The following WBP11 variants were observed in gnomAD, a reference collection of about 807,000 sequenced individuals.
The protein encoded by WBP11 is WW domain binding protein 11.
A neutral mutation model predicts 66.7 loss-of-function variants in WBP11; 12 were observed. That is an observed-to-expected ratio of 0.18 (90% confidence interval 0.12 to 0.29). The LOEUF (loss-of-function observed/expected upper bound fraction) is 0.29, where lower values mean the gene tolerates loss of function less well. WBP11 is among the 10% of genes least tolerant of loss of function. WBP11 has a pLI of 1.00. For synonymous variants in WBP11, 255 were observed against 273.8 expected, an observed-to-expected ratio of 0.93 and a Z score of 0.68; for missense variants, 555 against 818.3, an observed-to-expected ratio of 0.68 and a Z score of 3.93.
chr12:14,795,498 G>A (rs1208501957), intron 5 of WBP11, among the ~76,000 whole-genome samples: 1 of 152,190 alleles, frequency 6.6e-6, no homozygotes, highest in East Asian at 1.9e-4. Flanking sequence ...TTGGGAGGCT[G>A]ACGCAGGTCG....
rs765392388 is a variant in WBP11, at chr12:14,784,781, C to T, written c.*2284G>A. ...ATAAGGAAATAGTAACAAGTCTATC[C>T]ATATACATGATTAAAGATTTCTATC... On this transcript the variant is annotated 3_prime_UTR_variant, in exon 12 of 12. Coordinates refer to ENST00000261167, the MANE Select transcript of WBP11 (RefSeq NM_016312.3). 6.6e-6 allele frequency: 1 copy of T among 152,092 alleles called. No individual in the cohort carries two copies. Among genetic ancestry groups the T allele is most frequent in the African/African-American group, 2.4e-5 (1 of 41,404 alleles). The allele number at this position is 152,092 out of a possible 1,614,324, so 9.4% of individuals were successfully genotyped here.
Position 14,785,556 on chromosome 12 carries a change from G to T in WBP11, c.*1509C>A. On this transcript the variant is annotated 3_prime_UTR_variant, in exon 12 of 12. Coordinates refer to ENST00000261167, the MANE Select transcript of WBP11 (RefSeq NM_016312.3). ...CCCAAAACGGTCTATTTAGTGCTTT[G>T]GCAGGATTTGCTTTAATATGAAAGA... 6.6e-6 allele frequency: 1 copy of T among 152,054 alleles called. No homozygotes were observed. The highest frequency in any genetic ancestry group is 1.5e-5 in the Non-Finnish European group (1 of 68,014). The allele number at this position is 152,054 out of a possible 1,614,324, so 9.4% of individuals were successfully genotyped here.
Position 14,796,450 on chromosome 12 carries a change from C to G in WBP11, c.387+357G>C, listed in dbSNP as rs1949895220. On this transcript the variant is annotated intron_variant, in intron 5 of 11. Transcript: ENST00000261167. This position sits in a 1 kb window ranked among gnomAD's most constrained non-coding sequence, Gnocchi z 4.5. ...TTAACTTTTTAAATCTAAGTATAGG[C>G]TGAGCATCCCTAATCTGAATATCTA... Among the ~76,000 whole-genome samples the G allele has an allele frequency of 6.6e-6, 1 of 152,120 alleles. No homozygotes were observed. Among genetic ancestry groups the G allele is most frequent in the African/African-American group, 2.4e-5 (1 of 41,422 alleles).
rs1397742919 is a variant in WBP11, at chr12:14,786,107, A to C, written c.*958T>G. The stretch of plus-strand genomic sequence containing the variant: ...ACCAATTCAGAAAGGAAAAAAAGCT[A>C]ACCTCTTCTGATTCTTTTATAGCTT... On this transcript the variant is annotated 3_prime_UTR_variant, in exon 12 of 12. Transcript: ENST00000261167. 6.6e-6 allele frequency: 1 copy of C among 152,234 alleles called. No homozygotes were observed. The highest frequency in any genetic ancestry group is 1.5e-5 in the Non-Finnish European group (1 of 68,028). 9.4% of individuals were successfully genotyped at this position (152,234 alleles called of 1,614,324 possible). A position where few individuals can be genotyped will look rare whatever the true frequency, so the allele number is the denominator to read the frequency against.
chr12:14,791,507 T>C (rs1054020017), intron 8 of WBP11, among the ~76,000 whole-genome samples: 2 of 152,070 alleles, frequency 1.3e-5, no homozygotes, highest in African/African-American at 4.8e-5. Flanking sequence ...ACTTAAATGG[T>C]AGTTGAAGAT....
rs79296346 is a variant in WBP11 at position 14,794,766 on chromosome 12, A to C, written c.522-30T>G. ...TAAAAAAAAAAACAAAAACAAAAAA[A>C]CCCCCACAGTAATCACTTAACAGTA... On this transcript the variant is annotated intron_variant, in intron 6 of 11. Coordinates refer to ENST00000261167, the MANE Select transcript of WBP11 (RefSeq NM_016312.3). The C allele has an allele frequency of 7.2e-6, 11 of 1,530,656 alleles. No homozygotes were observed. In the African/African-American group the frequency reaches 1.1e-4, roughly 16 times the overall value. 94.8% of individuals were successfully genotyped at this position (1,530,656 alleles called of 1,614,324 possible).
At chr12:14,794,446 T>A (rs1047494217) in intron 7 of WBP11, 91 bp downstream of exon 7, 1 of 1,416,254 alleles carries the variant, frequency 7.1e-7, no homozygotes, top group Non-Finnish European at 1.0e-6. Flanking sequence ...TCTCATTTAC[T>A]TTCTAAGTTC....
chr12:14,792,447 T>C (rs532485882), intron 8 of WBP11, among the ~76,000 whole-genome samples: 10 of 148,266 alleles, frequency 6.7e-5, no homozygotes, highest in African/African-American at 2.4e-4. Context: ...AAAAATGCCG[T>C]ATATAGTAAA....
At chr12:14,795,960 T>A (rs1000363809) in intron 5 of WBP11, among the ~76,000 whole-genome samples, 1 of 152,156 alleles carries the variant, frequency 6.6e-6, no homozygotes, top group Non-Finnish European at 1.5e-5. Flanking sequence ...TATTTTGAGG[T>A]AAAATTTACG....
In WBP11 at chr12:14,787,150, T is replaced by G; in HGVS notation, c.1841A>C (p.Lys614Thr). The G allele has an allele frequency of 6.2e-7, 1 of 1,613,738 alleles. No homozygotes were observed. ...TGAGACAGGAACAGAAGGACCAGAT[T>G]TGGGTGCTGCTTTGGCAAGAGGCAC... is the stretch of plus-strand genomic sequence containing the variant. ...SAVPLAKAAPKSGPSVPVSVQ... is the reference protein window; with the variant it reads ...SAVPLAKAAPTSGPSVPVSVQ... Residue 614 changes from lysine (K) to threonine (T), a missense_variant, in exon 12 of 12, where the codon AAA (lysine) becomes ACA (threonine). Lys to Thr is a moderately conservative substitution (Grantham distance 78, BLOSUM62 -1). Around this residue, in one of 6 missense-constraint regions of WBP11, gnomAD observed 50 missense variants for 68.3 expected, o/e 0.73. Coordinates refer to ENST00000261167, the MANE Select transcript of WBP11 (RefSeq NM_016312.3).
At chr12:14,795,715 G>A (rs1333592820) in intron 5 of WBP11, among the ~76,000 whole-genome samples, 1 of 152,086 alleles carries the variant, frequency 6.6e-6, no homozygotes, top group Non-Finnish European at 1.5e-5. Context: ...GGGCAACAGA[G>A]TGAGACTCGG....
chr12:14,795,087 T>C lies in WBP11; in HGVS notation c.405A>G (p.Glu135=), dbSNP rs1949875537. The change falls in exon 6 of 12, where the codon GAA becomes GAG. Residue 135 remains glutamate (E), a synonymous_variant. Transcript: ENST00000261167. ...FDAVKNAQHV[E]VESIPLPDMP... is the part of the protein sequence containing the mutation. The stretch of plus-strand genomic sequence containing the variant: ...TATCTGGCAAAGGAATACTCTCCAC[T>C]TCCACATGCTGAGCATTCTGAAACA... 6.2e-7 allele frequency: 1 copy of C among 1,609,546 alleles called. No homozygotes were observed. The highest frequency in any genetic ancestry group is 8.5e-7 in the Non-Finnish European group (1 of 1,178,312).
chr12:14,793,905 C>A lies in WBP11; in HGVS notation c.739G>T (p.Asp247Tyr), dbSNP rs761913936. 8.1e-6 allele frequency: 13 copies of A among 1,611,192 alleles called. No homozygotes were observed. Among genetic ancestry groups the A allele is most frequent in the Non-Finnish European group, 1.1e-5 (13 of 1,178,434 alleles). Residue 247 changes from aspartate to tyrosine, a missense_variant, in exon 8 of 12, where the codon GAT becomes TAT. Physicochemically the swap from Asp to Tyr is radical, Grantham distance 160. Around this residue, in one of 6 missense-constraint regions of WBP11, gnomAD observed 220 missense variants for 268.2 expected, o/e 0.82. Transcript: ENST00000261167. ...SPELAQRGHD[D>Y]DVSSTSEDDG... ...TCTTCACTGGTGCTAGAAACATCAT[C>A]ATCATGACCTCGCTGGGCTGAAAAG...
At chr12:14,798,437 C>T (rs1393974363) in intron 4 of WBP11, among the ~76,000 whole-genome samples, 1 of 152,164 alleles carries the variant, frequency 6.6e-6, no homozygotes, top group Non-Finnish European at 1.5e-5. Flanking sequence ...TCAGTTATTC[C>T]TATTATCTCC....
rs371455893 is a variant in WBP11 at position 14,785,777 on chromosome 12, A to C, written c.*1288T>G. On this transcript the variant is annotated 3_prime_UTR_variant, in exon 12 of 12. Transcript: ENST00000261167. Reference sequence around the variant, plus strand: ...ATACTGTGGAAAGTAACGTATGCCTAAACAATGCACGCACTGTGTGTATGT... The same window carrying C: ...ATACTGTGGAAAGTAACGTATGCCTCAACAATGCACGCACTGTGTGTATGT... The C allele has an allele frequency of 4.1e-4, 63 of 152,352 alleles. 1 individual carries two copies. The highest frequency in any genetic ancestry group is 1.5e-3 in the African/African-American group (63 of 41,600). 9.4% of individuals were successfully genotyped at this position (152,352 alleles called of 1,614,324 possible).
rs1949861433 is a variant in WBP11, at chr12:14,794,245, G to A, written c.721+292C>T. ...AGTGAATGTATACAATGACGCTCTAGTCTGATGACAATAAAGCTAAAAGGG... is the reference window on the plus strand; with the variant it reads ...AGTGAATGTATACAATGACGCTCTAATCTGATGACAATAAAGCTAAAAGGG... On this transcript the variant is annotated intron_variant, in intron 7 of 11. Transcript: ENST00000261167. 2.6e-5 allele frequency among the ~76,000 whole-genome samples: 4 copies of A among 152,056 alleles called. No homozygotes were observed. The South Asian group carries it at 8.3e-4, about 31-fold the overall frequency.
chr12:14,791,390 G>C (rs981306223), intron 8 of WBP11, 120 bp from the exon 9 acceptor site: 1 of 681,078 alleles, frequency 1.5e-6, no homozygotes, highest in African/African-American at 1.8e-5. Context: ...AGAGGTGCAG[G>C]ATGAGATAGC....
Position 14,787,554 on chromosome 12 carries a change from C to T in WBP11, c.1493-56G>A, listed in dbSNP as rs914689620. 6 of 1,374,106 alleles carry T rather than the reference C, an allele frequency of 4.4e-6. No individual in the cohort carries two copies. In the African/African-American group the frequency reaches 7.2e-5, roughly 16 times the overall value. The allele number at this position is 1,374,106 out of a possible 1,614,324, so 85.1% of individuals were successfully genotyped here. On this transcript the variant is annotated intron_variant, in intron 11 of 11. Coordinates refer to ENST00000261167, the MANE Select transcript of WBP11 (RefSeq NM_016312.3). ...TGTAAGAACTAATAAAATTTAACTA[C>T]TATTAAGGACATTTAAATATTGGTT... is the stretch of plus-strand genomic sequence containing the variant.
chr12:14,786,144 A>G lies in WBP11; in HGVS notation c.*921T>C, dbSNP rs976305223. Reference sequence around the variant, plus strand: ...TTCTTTTATAGCTTAAAAATGGTTTAAAATGACTTTTGCCATTCAACTCGT... The same window carrying G: ...TTCTTTTATAGCTTAAAAATGGTTTGAAATGACTTTTGCCATTCAACTCGT... On this transcript the variant is annotated 3_prime_UTR_variant, in exon 12 of 12. Transcript: ENST00000261167. 1 of 152,222 alleles carries G rather than the reference A, an allele frequency of 6.6e-6. No individual in the cohort carries two copies. Among genetic ancestry groups the G allele is most frequent in the Admixed American group, 6.5e-5 (1 of 15,282 alleles). 9.4% of individuals were successfully genotyped at this position (152,222 alleles called of 1,614,324 possible). A position where few individuals can be genotyped will look rare whatever the true frequency, so the allele number is the denominator to read the frequency against.
Sources: gnomAD v4.1 joint callset for allele counts (sites outside exome capture counted in the v4.1 genomes callset) on GRCh38, gnomAD v4.1.1 for gene constraint, gnomAD v4.1.1 regional missense constraint, Gnocchi (gnomAD v3.1) non-coding constraint, MANE v1.5 for transcripts, NCBI Gene and HGNC (gene_info 2026-07-23, HGNC 2026-07-21) for gene names.